XRCC4: variants seen among roughly 807,000 people sequenced by gnomAD.
XRCC4 encodes X-ray repair cross complementing 4, also known as DNA repair protein XRCC4.
In XRCC4, 28 loss-of-function variants were observed where a neutral mutation model predicts 39.1. The observed-to-expected ratio is 0.72, with a 90% CI of 0.53 to 0.98. The LOEUF is 0.98. XRCC4 is among the 50% of genes least tolerant of loss of function. The pLI, the probability that XRCC4 is intolerant of heterozygous loss-of-function variation, is 0.00. For missense variants in XRCC4, 350 were observed against 376.4 expected (o/e 0.93, Z 0.58); for synonymous variants, 123 against 126.4 (o/e 0.97, Z 0.18).
At position 83,336,824 on chromosome 5, in the gene XRCC4, C is replaced by T. The variant is rs112672434; in HGVS notation, c.894-16307C>T. ...CACAACTTTCTCTTCCCAATCATTC[C>T]AGTAGGGTGGGATATAACTAAGTTA... On this transcript the variant is annotated intron_variant, in intron 7 of 7. Coordinates refer to ENST00000396027, the MANE Select transcript of XRCC4 (RefSeq NM_003401.5). Among the ~76,000 whole-genome samples the T allele has an allele frequency of 8.7e-3, 1,326 of 152,120 alleles. 16 individuals carry two copies. Among genetic ancestry groups the T allele is most frequent in the African/African-American group, 0.029 (1,219 of 41,486 alleles).
chr5:83,168,597 A>G lies in XRCC4; in HGVS notation c.316-27173A>G, dbSNP rs550935447. Among the ~76,000 whole-genome samples, 21 of 152,302 alleles carry G rather than the reference A, an allele frequency of 1.4e-4. No individual in the cohort carries two copies. In the East Asian group the frequency reaches 3.9e-3, roughly 28 times the overall value. On this transcript the variant is annotated intron_variant, in intron 3 of 7. Coordinates refer to ENST00000396027, the MANE Select transcript of XRCC4 (RefSeq NM_003401.5). ...ACATTTTTTTCATGCATACTAAAACATGACAAAATTTAAGTATGTACTAGG... is the reference window on the plus strand; with the variant it reads ...ACATTTTTTTCATGCATACTAAAACGTGACAAAATTTAAGTATGTACTAGG...
chr5:83,166,462 T>G (rs1168900259), intron 3 of XRCC4, among the ~76,000 whole-genome samples: 1 of 45,756 alleles, frequency 2.2e-5, no homozygotes, highest in Non-Finnish European at 4.7e-5. Flanking sequence ...TCCTGTTTGT[T>G]TTTTTTTTTT....
At position 83,318,468 on chromosome 5, in the gene XRCC4, CCCAAA is replaced by C. The variant is rs1263937046; in HGVS notation, c.894-34662_894-34658del. 8.6e-4 allele frequency among the ~76,000 whole-genome samples: 70 copies of C among 81,204 alleles called. 1 individual carries two copies. The highest frequency in any genetic ancestry group is 4.6e-3 in the African/African-American group (63 of 13,572). The allele number at this position is 81,204 out of a possible 152,430, so 53.3% of individuals were successfully genotyped here. On this transcript the variant is annotated intron_variant, in intron 7 of 7. Coordinates refer to ENST00000396027, the MANE Select transcript of XRCC4 (RefSeq NM_003401.5). ...TATCTAGAAAACCCCATCGTCTCAGCCCAAAATCTCCTTAAGCTGATAAGCAACTT... is the reference window on the plus strand; with the variant it reads ...TATCTAGAAAACCCCATCGTCTCAGCATCTCCTTAAGCTGATAAGCAACTT...
At chr5:83,301,133 T>A (rs894936582) in intron 7 of XRCC4, among the ~76,000 whole-genome samples, 6 of 152,234 alleles carry the variant, frequency 3.9e-5, no homozygotes, top group Non-Finnish European at 8.8e-5. Flanking sequence ...TTTCTGGTTC[T>A]GGATCCTTGA....
chr5:83,245,748 C>G (rs1296764507), intron 6 of XRCC4, among the ~76,000 whole-genome samples: 1 of 151,940 alleles, frequency 6.6e-6, no homozygotes, highest in African/African-American at 2.4e-5. Flanking sequence ...CTTATTTGAT[C>G]AGGGAAGATA....
At chr5:83,312,193 C>T (rs1026800892) in intron 7 of XRCC4, among the ~76,000 whole-genome samples, 1 of 152,108 alleles carries the variant, frequency 6.6e-6, no homozygotes, top group Non-Finnish European at 1.5e-5. Flanking sequence ...AAGAGGATAC[C>T]CTTTGCCTTA....
chr5:83,140,992 C>T (rs6452526), intron 3 of XRCC4, among the ~76,000 whole-genome samples: 73,667 of 152,036 alleles, frequency 0.48, 18,808 homozygotes, highest in African/African-American at 0.63. Flanking sequence ...TTATGTGTCC[C>T]GTATTTCTTT....
At chr5:83,124,539 AC>A (rs1747167207) in intron 3 of XRCC4, among the ~76,000 whole-genome samples, 1 of 152,130 alleles carries the variant, frequency 6.6e-6, no homozygotes, top group African/African-American at 2.4e-5. Context: ...ACTGAAAAAA[AC>A]CTTTAGGTTG....
At chr5:83,152,649 A>G (rs1056410688) in intron 3 of XRCC4, among the ~76,000 whole-genome samples, 7 of 150,270 alleles carry the variant, frequency 4.7e-5, no homozygotes, top group Admixed American at 1.3e-4. Flanking sequence ...AAAAAAAAAA[A>G]AAAAGAAATA....
At chr5:83,166,803 G>T (rs1324256256) in intron 3 of XRCC4, among the ~76,000 whole-genome samples, 1 of 151,814 alleles carries the variant, frequency 6.6e-6, no homozygotes, top group Non-Finnish European at 1.5e-5. Flanking sequence ...GCTCAACTTT[G>T]CCAGCATCCG....
intron 3 of XRCC4, among the ~76,000 whole-genome samples, chr5:83,125,622 C>T (rs958742035): frequency 2.6e-5 from 4 of 152,142 alleles, no homozygotes; most frequent in African/African-American, 9.7e-5. Flanking sequence ...TATGCTGCCT[C>T]ATGGATCTAT....
intron 6 of XRCC4, among the ~76,000 whole-genome samples, chr5:83,212,950 T>TAAAAAAAAAA (rs200863996): frequency 9.9e-6 from 1 of 101,506 alleles, no homozygotes; most frequent in Non-Finnish European, 2.1e-5. Flanking sequence ...AACACCAAAA[T>TAAAAAAAAAA]AAAAAAAAAA....
At chr5:83,185,390 A>G (rs1467836216) in intron 3 of XRCC4, among the ~76,000 whole-genome samples, 2 of 149,388 alleles carry the variant, frequency 1.3e-5, no homozygotes, top group Non-Finnish European at 3.0e-5. Context: ...ACACTTTATT[A>G]AGGTATGATT....
chr5:83,353,480 A>G lies in XRCC4; in HGVS notation c.*238A>G. 1 of 306,984 alleles carries G rather than the reference A, an allele frequency of 3.3e-6. No individual in the cohort carries two copies. Among genetic ancestry groups the G allele is most frequent in the Non-Finnish European group, 5.9e-6 (1 of 168,426 alleles). The allele number at this position is 306,984 out of a possible 1,614,324, so 19.0% of individuals were successfully genotyped here. A position where few individuals can be genotyped will look rare whatever the true frequency, so the allele number is the denominator to read the frequency against. On this transcript the variant is annotated 3_prime_UTR_variant, in exon 8 of 8. Coordinates refer to ENST00000396027, the MANE Select transcript of XRCC4 (RefSeq NM_003401.5). Reference sequence around the variant, plus strand: ...CATTCAGCATGCCTATAATTACATAAATTGTATGAGACTTTTTGTTGCAAA... The same window carrying G: ...CATTCAGCATGCCTATAATTACATAGATTGTATGAGACTTTTTGTTGCAAA...
intron 1 of XRCC4, among the ~76,000 whole-genome samples, chr5:83,100,018 A>C (rs1745854578): frequency 6.6e-6 from 1 of 152,136 alleles, no homozygotes; most frequent in South Asian, 2.1e-4. Context: ...TAAGACGGTG[A>C]TCTCAGTAAG....
intron 6 of XRCC4, among the ~76,000 whole-genome samples, chr5:83,225,053 A>G (rs1450368075): frequency 1.3e-5 from 2 of 152,138 alleles, no homozygotes; most frequent in Non-Finnish European, 2.9e-5. Flanking sequence ...TGCACACTTG[A>G]TAAGACAACT....
At chr5:83,144,086 T>C (rs1748315947) in intron 3 of XRCC4, among the ~76,000 whole-genome samples, 1 of 152,112 alleles carries the variant, frequency 6.6e-6, no homozygotes, top group Non-Finnish European at 1.5e-5. Context: ...TCTCAGATGT[T>C]CATTATATCA....
At chr5:83,155,256 C>T (rs1382368) in intron 3 of XRCC4, among the ~76,000 whole-genome samples, 73,012 of 151,854 alleles carry the variant, frequency 0.48, 18,435 homozygotes, top group African/African-American at 0.62. Context: ...GTCAGACTTC[C>T]TTGGAGGACT....
intron 7 of XRCC4, among the ~76,000 whole-genome samples, chr5:83,323,224 G>T (rs1472590586): frequency 2.0e-5 from 3 of 152,132 alleles, no homozygotes; most frequent in East Asian, 1.9e-4. Context: ...ATTTTGAAAT[G>T]CACAGTTTAA....
Sources: allele counts gnomAD v4.1 joint callset (sites outside exome capture counted in the v4.1 genomes callset), GRCh38; gene constraint gnomAD v4.1.1; transcripts MANE v1.5; gene names NCBI Gene and HGNC (gene_info 2026-07-23, HGNC 2026-07-21).